NRTN: variants seen among roughly 807,000 people sequenced by gnomAD.
NRTN encodes neurturin.
In NRTN, 3 loss-of-function variants were observed where a neutral mutation model predicts 7.5. The observed-to-expected ratio is 0.40, with a 90% CI of 0.18 to 1.03. The LOEUF (loss-of-function observed/expected upper bound fraction) is 1.03, where lower values mean the gene tolerates loss of function less well. Among genes scored for constraint, NRTN ranks in the 50% least tolerant of loss-of-function variants. NRTN has a pLI of 0.34. For synonymous variants in NRTN, 157 were observed against 146.6 expected, an observed-to-expected ratio of 1.07 and a Z score of -0.51; for missense variants, 310 against 307.0, an observed-to-expected ratio of 1.01 and a Z score of -0.07.
chr19:5,825,288 G>A (rs533011152), intron 2 of NRTN, among the ~76,000 whole-genome samples: 1 of 152,226 alleles, frequency 6.6e-6, no homozygotes, highest in East Asian at 1.9e-4. Flanking sequence ...GTGGGGTGAG[G>A]GTGGTGCGTG....
rs1157121827 is a variant in NRTN at position 5,828,018 on chromosome 19, C to A, written c.439C>A (p.Arg147=). The change falls in exon 3 of 3, where the codon CGA becomes AGA. Residue 147 remains arginine, a synonymous_variant. Transcript: ENST00000303212. Reference sequence around the variant, plus strand: ...GCGCGTCTACGACCTCGGGCTGCGACGACTGCGCCAGCGGCGGCGCCTGCG... The same window carrying A: ...GCGCGTCTACGACCTCGGGCTGCGAAGACTGCGCCAGCGGCGGCGCCTGCG... ...AARVYDLGLR[R]LRQRRRLRRE... 1.4e-6 allele frequency: 2 copies of A among 1,430,884 alleles called. No homozygotes were observed. Among genetic ancestry groups the A allele is most frequent in the Non-Finnish European group, 1.8e-6 (2 of 1,100,462 alleles). The allele number at this position is 1,430,884 out of a possible 1,614,324, so 88.6% of individuals were successfully genotyped here.
Position 5,805,111 on chromosome 19 carries a change from G to A in NRTN, c.-739G>A, listed in dbSNP as rs2056970958. The stretch of plus-strand genomic sequence containing the variant: ...GCCCTGAAGCCGCTCCGAGTGCCCA[G>A]GTCCCTCTCGCCGCCGCCCCGGAGC... On this transcript the variant is annotated 5_prime_UTR_variant, in exon 1 of 3. Coordinates refer to ENST00000303212, the MANE Select transcript of NRTN (RefSeq NM_004558.5). Among the ~76,000 whole-genome samples, 1 of 146,600 alleles carries A rather than the reference G, an allele frequency of 6.8e-6. No individual in the cohort carries two copies. Among genetic ancestry groups the A allele is most frequent in the Non-Finnish European group, 1.5e-5 (1 of 65,898 alleles).
chr19:5,806,976 G>C lies in NRTN; in HGVS notation c.-399+1525G>C, dbSNP rs1479006542. Among the ~76,000 whole-genome samples, 1 of 152,206 alleles carries C rather than the reference G, an allele frequency of 6.6e-6. No homozygotes were observed. The highest frequency in any genetic ancestry group is 1.5e-5 in the Non-Finnish European group (1 of 68,038). ...GGTTGTTGGGTGCTGTCCTTCAAGG[G>C]AGGCAGATTTAGACCCAGGGACACA... On this transcript the variant is annotated intron_variant, in intron 1 of 2. Transcript: ENST00000303212. The surrounding 1 kb of genome is among the most constrained non-coding windows in gnomAD (Gnocchi z 5.4).
At chr19:5,819,174 C>T (rs72987172) in intron 1 of NRTN, among the ~76,000 whole-genome samples, 7,882 of 152,316 alleles carry the variant, frequency 0.052, 252 homozygotes, top group Middle Eastern at 0.085. Flanking sequence ...GGCTCTATGA[C>T]CTTGGACAAG....
At chr19:5,813,680 G>GAA (rs557383692) in intron 1 of NRTN, among the ~76,000 whole-genome samples, 3 of 117,212 alleles carry the variant, frequency 2.6e-5, no homozygotes, top group African/African-American at 8.9e-5. Flanking sequence ...GACTCCGTCT[G>GAA]AAAAAAAAAA....
rs1286913876 is a variant in NRTN at position 5,805,381 on chromosome 19, G to A, written c.-469G>A. On this transcript the variant is annotated 5_prime_UTR_variant, in exon 1 of 3. Transcript: ENST00000303212. ...CGCGGGCCCAGGCGGCCCGGATGGC[G>A]GTCGCGGCGGCTGGGGCAGGGGCTG... Among the ~76,000 whole-genome samples, 6 of 117,654 alleles carry A rather than the reference G, an allele frequency of 5.1e-5. No individual in the cohort carries two copies. The highest frequency in any genetic ancestry group is 1.1e-4 in the Non-Finnish European group (6 of 56,210). 77.2% of individuals were successfully genotyped at this position (117,654 alleles called of 152,430 possible).
intron 2 of NRTN, 53 bp from the exon 3 acceptor site, chr19:5,827,696 T>TG: frequency 9.6e-5 from 41 of 426,614 alleles, no homozygotes; most frequent in Non-Finnish European, 1.2e-4. Context: ...GGGGGCTCCC[T>TG]CCCACCCCCT....
intron 2 of NRTN, 34 bp from the exon 3 acceptor site, chr19:5,827,715 T>C: frequency 8.2e-6 from 3 of 365,364 alleles, no homozygotes; most frequent in Non-Finnish European, 1.2e-5. Context: ...CTGCACCCAC[T>C]GACCCCCCCT....
intron 1 of NRTN, among the ~76,000 whole-genome samples, chr19:5,816,686 CTTCTT>C (rs1376774193): frequency 6.6e-6 from 1 of 152,008 alleles, no homozygotes; most frequent in Non-Finnish European, 1.5e-5. Context: ...CCCGTCTTGT[CTTCTT>C]TTCTTTTCTG....
intron 1 of NRTN, among the ~76,000 whole-genome samples, chr19:5,811,147 G>T (rs2056989494): frequency 6.6e-6 from 1 of 152,100 alleles, no homozygotes; most frequent in African/African-American, 2.4e-5. Flanking sequence ...GCTGAGGCAG[G>T]AGAACCGCTT....
At chr19:5,814,097 C>G (rs1388042643) in intron 1 of NRTN, among the ~76,000 whole-genome samples, 1 of 152,108 alleles carries the variant, frequency 6.6e-6, no homozygotes, top group East Asian at 1.9e-4. Context: ...GGGCAGCACC[C>G]CCACAGGCAA....
chr19:5,811,172 G>C (rs1358809848), intron 1 of NRTN, among the ~76,000 whole-genome samples: 2 of 152,120 alleles, frequency 1.3e-5, no homozygotes, highest in Non-Finnish European at 2.9e-5. Context: ...CCCAGAGGTG[G>C]GGTTGCAGTG....
intron 1 of NRTN, among the ~76,000 whole-genome samples, chr19:5,819,291 C>G (rs894298623): frequency 1.3e-5 from 2 of 152,208 alleles, no homozygotes; most frequent in African/African-American, 2.4e-5. Context: ...CTTTGGGAAG[C>G]CAAGGCAGGA....
At chr19:5,822,080 C>T (rs1426146042) in intron 1 of NRTN, among the ~76,000 whole-genome samples, 1 of 152,126 alleles carries the variant, frequency 6.6e-6, no homozygotes, top group African/African-American at 2.4e-5. Context: ...ATAAATGTGT[C>T]CTGTTACTTA....
At chr19:5,816,194 C>A (rs2057004721) in intron 1 of NRTN, among the ~76,000 whole-genome samples, 1 of 152,156 alleles carries the variant, frequency 6.6e-6, no homozygotes, top group Non-Finnish European at 1.5e-5. Context: ...AGCCACTGAG[C>A]CTGGCCGAGT....
chr19:5,825,371 A>T (rs368322952), intron 2 of NRTN, among the ~76,000 whole-genome samples: 2 of 152,294 alleles, frequency 1.3e-5, no homozygotes, highest in East Asian at 3.9e-4. Flanking sequence ...GGATGCCGGC[A>T]GGGTGCGTGT....
chr19:5,825,630 A>C (rs1314701356), intron 2 of NRTN, among the ~76,000 whole-genome samples: 1 of 152,184 alleles, frequency 6.6e-6, no homozygotes, highest in East Asian at 1.9e-4. Flanking sequence ...CGGGGGGCAA[A>C]GCACGAATGG....
chr19:5,820,119 A>G (rs934561853), intron 1 of NRTN, among the ~76,000 whole-genome samples: 30 of 147,824 alleles, frequency 2.0e-4, no homozygotes, highest in Non-Finnish European at 3.9e-4. Context: ...ACAAAAATTT[A>G]GCTGGGCGTG....
At position 5,827,736 on chromosome 19, in the gene NRTN, C is replaced by T. The variant is rs1181117806; in HGVS notation, c.170-13C>T. Reference sequence around the variant, plus strand: ...CCACTGACCCCCCCTCCTTTCTCTTCCTCCCCTCGCAGACCGTGCACTCCT... The same window carrying T: ...CCACTGACCCCCCCTCCTTTCTCTTTCTCCCCTCGCAGACCGTGCACTCCT... On this transcript the variant is annotated splice_polypyrimidine_tract_variant and intron_variant, in intron 2 of 2. Coordinates refer to ENST00000303212, the MANE Select transcript of NRTN (RefSeq NM_004558.5). 9.6e-7 allele frequency: 1 copy of T among 1,038,808 alleles called. No individual in the cohort carries two copies. The highest frequency in any genetic ancestry group is 4.3e-5 in the South Asian group (1 of 23,302). 64.3% of individuals were successfully genotyped at this position (1,038,808 alleles called of 1,614,324 possible).
Sources: allele counts gnomAD v4.1 joint callset (sites outside exome capture counted in the v4.1 genomes callset), GRCh38; gene constraint gnomAD v4.1.1; non-coding constraint Gnocchi (gnomAD v3.1); transcripts MANE v1.5; gene names NCBI Gene and HGNC (gene_info 2026-07-23, HGNC 2026-07-21).